Variants in CACNA2D1 observed in about 807,000 individuals in gnomAD.
CACNA2D1 encodes voltage-dependent calcium channel subunit alpha-2/delta-1.
Under a neutral mutation model 171.5 loss-of-function variants are expected in CACNA2D1, and 53 were observed. The ratio of observed to expected loss-of-function variants is 0.31; its 90% CI spans 0.25 to 0.39. The LOEUF is 0.39. Among genes scored for constraint, CACNA2D1 ranks in the 10% least tolerant of loss-of-function variants. The pLI, the probability that CACNA2D1 is intolerant of heterozygous loss-of-function variation, is 1.00. For synonymous variants in CACNA2D1, 442 were observed against 443.1 expected (o/e 1.00, Z 0.03); for missense variants, 903 against 1,299.8 (o/e 0.69, Z 4.69).
Position 81,947,482 on chromosome 7 carries a change from G to A in CACNA2D1, c.*2910C>T, listed in dbSNP as rs896317664. 2 of 151,816 alleles carry A rather than the reference G, an allele frequency of 1.3e-5. No homozygotes were observed. The highest frequency in any genetic ancestry group is 6.6e-5 in the Admixed American group (1 of 15,232). The allele number at this position is 151,816 out of a possible 1,614,324, so 9.4% of individuals were successfully genotyped here. ...AAAACCTGTTACAAATATGGACCAC[G>A]GTTGGTGTTTGGCAGTAATGCTGGT... On this transcript the variant is annotated 3_prime_UTR_variant, in exon 39 of 39. Transcript: ENST00000356860.
chr7:82,432,378 C>T (rs1195718053), intron 1 of CACNA2D1, among the ~76,000 whole-genome samples: 1 of 152,256 alleles, frequency 6.6e-6, no homozygotes, highest in Non-Finnish European at 1.5e-5. Context: ...CCTAACCATT[C>T]ATTCATTCAT....
chr7:82,227,089 T>C (rs1423081669), intron 3 of CACNA2D1, among the ~76,000 whole-genome samples: 1 of 152,202 alleles, frequency 6.6e-6, no homozygotes, highest in Admixed American at 6.5e-5. Flanking sequence ...GGTGTTATTA[T>C]AGAGATCAAT....
chr7:82,070,452 G>C (rs1808191587), intron 7 of CACNA2D1, among the ~76,000 whole-genome samples: 1 of 152,198 alleles, frequency 6.6e-6, no homozygotes, highest in South Asian at 2.1e-4. Flanking sequence ...AAGTTGCGCA[G>C]GGTGTGGAGA....
At chr7:82,312,814 A>G (rs1296088552) in intron 3 of CACNA2D1, among the ~76,000 whole-genome samples, 1 of 152,076 alleles carries the variant, frequency 6.6e-6, no homozygotes, top group Non-Finnish European at 1.5e-5. Flanking sequence ...GATTACAGGC[A>G]TGAGCCACTG....
intron 12 of CACNA2D1, among the ~76,000 whole-genome samples, chr7:82,015,041 A>C (rs1800279376): frequency 6.6e-6 from 1 of 152,166 alleles, no homozygotes; most frequent in Admixed American, 6.6e-5. Flanking sequence ...AACAAGAGCG[A>C]AACTCCATTT....
chr7:82,244,349 T>A (rs770012361), intron 3 of CACNA2D1, among the ~76,000 whole-genome samples: 1 of 152,106 alleles, frequency 6.6e-6, no homozygotes, highest in Non-Finnish European at 1.5e-5. Flanking sequence ...TATAATCCCA[T>A]AAGACAAAAC....
Position 81,959,255 on chromosome 7 carries a change from C to A in CACNA2D1, c.3159+20G>T, listed in dbSNP as rs761008374. On this transcript the variant is annotated intron_variant, in intron 38 of 38. Transcript: ENST00000356860. ...ACCATTAATTTATAGTATTTTAATC[C>A]AGTAGAAGTGTGATCTTACCAAGAC... 6.6e-7 allele frequency: 1 copy of A among 1,510,440 alleles called. No individual in the cohort carries two copies. The allele number at this position is 1,510,440 out of a possible 1,614,324, so 93.6% of individuals were successfully genotyped here.
intron 1 of CACNA2D1, among the ~76,000 whole-genome samples, chr7:82,366,596 T>TCACATTTCTCTATCCATA (rs1291517552): frequency 2.0e-5 from 3 of 152,194 alleles, no homozygotes; most frequent in Non-Finnish European, 4.4e-5. Flanking sequence ...ATGGCAGGTA[T>TCACATTTCTCTATCCATA]CACATTTCTC....
rs577010944 is a variant in CACNA2D1 at position 82,188,825 on chromosome 7, T to C, written c.295-18216A>G. 3.3e-5 allele frequency among the ~76,000 whole-genome samples: 5 copies of C among 152,114 alleles called. No homozygotes were observed. In the South Asian group the frequency reaches 1.0e-3, roughly 31 times the overall value. ...AATGTGGTACATGTATATCTTGGAA[T>C]ACTACGCAGCTACAAAAAAGAATGA... On this transcript the variant is annotated intron_variant, in intron 3 of 38. Transcript: ENST00000356860.
chr7:82,249,249 C>T (rs1396257580), intron 3 of CACNA2D1, among the ~76,000 whole-genome samples: 1 of 152,016 alleles, frequency 6.6e-6, no homozygotes, highest in African/African-American at 2.4e-5. Flanking sequence ...TTCAAAGAGA[C>T]AGTTACTCTA....
intron 3 of CACNA2D1, among the ~76,000 whole-genome samples, chr7:82,209,766 T>A (rs1485711774): frequency 6.6e-6 from 1 of 152,166 alleles, no homozygotes; most frequent in African/African-American, 2.4e-5. Flanking sequence ...TGCCAAATTG[T>A]TCCCCTACAT....
At position 82,349,599 on chromosome 7, in the gene CACNA2D1, T is replaced by C. The variant is rs1819616021; in HGVS notation, c.146A>G (p.Lys49Arg). The change falls in exon 2 of 39, where the codon AAA becomes AGA. Residue 49 changes from lysine (K) to arginine (R), a missense_variant. This residue lies in a region of CACNA2D1 where 189 missense variants were observed against 266.8 expected (regional missense o/e 0.71). Transcript: ENST00000356860. ...KMQEDLVTLA[K>R]TASGVNQLVD... is the part of the protein sequence containing the mutation. ...AAGCTGATTGACTCCACTTGCTGTT[T>C]TTGCCAGTGTGACAAGGTCTTCTTG... 1 of 1,613,958 alleles carries C rather than the reference T, an allele frequency of 6.2e-7. No individual in the cohort carries two copies. Among genetic ancestry groups the C allele is most frequent in the African/African-American group, 1.3e-5 (1 of 74,930 alleles).
At chr7:82,386,141 C>T (rs916801421) in intron 1 of CACNA2D1, among the ~76,000 whole-genome samples, 4 of 152,106 alleles carry the variant, frequency 2.6e-5, no homozygotes, top group African/African-American at 9.7e-5. Context: ...CACCAGCTAC[C>T]ATTAAGTAAG....
chr7:82,297,760 C>T (rs1180042581), intron 3 of CACNA2D1, among the ~76,000 whole-genome samples: 1 of 152,118 alleles, frequency 6.6e-6, no homozygotes, highest in Non-Finnish European at 1.5e-5. Flanking sequence ...TATTATATTT[C>T]AGATGCTGGA....
chr7:82,118,453 G>T (rs2129055086), intron 5 of CACNA2D1, among the ~76,000 whole-genome samples: 1 of 152,268 alleles, frequency 6.6e-6, no homozygotes, highest in Admixed American at 6.5e-5. Flanking sequence ...GAAACAGGTA[G>T]AGGGAGAAAT....
intron 1 of CACNA2D1, among the ~76,000 whole-genome samples, chr7:82,402,827 A>C (rs990149340): frequency 2.6e-5 from 4 of 152,030 alleles, no homozygotes; most frequent in Non-Finnish European, 4.4e-5. Context: ...GGACATGATC[A>C]GAAGTTACGG....
intron 1 of CACNA2D1, among the ~76,000 whole-genome samples, chr7:82,371,352 T>A (rs962636245): frequency 6.6e-6 from 1 of 152,144 alleles, no homozygotes; most frequent in African/African-American, 2.4e-5. Flanking sequence ...TGTGAGACAG[T>A]TACATCATCA....
chr7:82,368,585 T>C (rs894105257), intron 1 of CACNA2D1, among the ~76,000 whole-genome samples: 4 of 152,242 alleles, frequency 2.6e-5, no homozygotes, highest in African/African-American at 4.8e-5. Flanking sequence ...ACATCTTTTA[T>C]GTATGTTTTA....
At chr7:82,304,506 G>C (rs923055148) in intron 3 of CACNA2D1, among the ~76,000 whole-genome samples, 2 of 152,046 alleles carry the variant, frequency 1.3e-5, no homozygotes, top group African/African-American at 2.4e-5. Flanking sequence ...AGACTTAATG[G>C]AATACTATTG....
Sources: gnomAD v4.1 joint callset for allele counts (sites outside exome capture counted in the v4.1 genomes callset) on GRCh38, gnomAD v4.1.1 for gene constraint, gnomAD v4.1.1 regional missense constraint, MANE v1.5 for transcripts, NCBI Gene and HGNC (gene_info 2026-07-23, HGNC 2026-07-21) for gene names.